Variants in PEAK1 observed in about 807,000 individuals in gnomAD.
The protein encoded by PEAK1 is inactive tyrosine-protein kinase PEAK1.
PEAK1 carries 54 observed loss-of-function variants against 124.7 expected under a neutral mutation model. The observed-to-expected ratio is 0.43, with a 90% CI of 0.35 to 0.54. The LOEUF is 0.54. Among genes scored for constraint, PEAK1 ranks in the 20% least tolerant of loss-of-function variants. The pLI, the probability that PEAK1 is intolerant of heterozygous loss-of-function variation, is 0.01. For synonymous variants in PEAK1, 719 were observed against 760.0 expected (o/e 0.95, Z 0.89); for missense variants, 2,046 against 2,134.5 (o/e 0.96, Z 0.82).
intron 9 of PEAK1, among the ~76,000 whole-genome samples, chr15:77,123,283 C>T (rs2052080912): frequency 6.6e-6 from 1 of 152,146 alleles, no homozygotes; most frequent in African/African-American, 2.4e-5. Context: ...CCTCTGTGGT[C>T]TCGCATGGTA....
At chr15:77,269,812 G>T in intron 5 of PEAK1, among the ~76,000 whole-genome samples, 1 of 152,148 alleles carries the variant, frequency 6.6e-6, no homozygotes, top group East Asian at 1.9e-4. Context: ...AATAAAATTG[G>T]AAATCAACTC....
At chr15:77,357,084 T>A (rs1391243390) in intron 2 of PEAK1, among the ~76,000 whole-genome samples, 1 of 152,086 alleles carries the variant, frequency 6.6e-6, no homozygotes, top group East Asian at 1.9e-4. Flanking sequence ...CTTGACAACG[T>A]AAGAGGACCC....
intron 6 of PEAK1, among the ~76,000 whole-genome samples, chr15:77,186,059 G>A (rs2057530975): frequency 1.3e-5 from 2 of 152,020 alleles, no homozygotes; most frequent in African/African-American, 4.8e-5. Flanking sequence ...GCTCACTGTG[G>A]AAACTCAGAA....
rs749000554 is a variant in PEAK1, at chr15:77,298,197, A to ATTTTTTTTTTTTTTTTTTTT, written c.-602-11713_-602-11694dup. Among the ~76,000 whole-genome samples the ATTTTTTTTTTTTTTTTTTTT allele has an allele frequency of 4.0e-4, 15 of 37,822 alleles. 4 individuals are homozygous for ATTTTTTTTTTTTTTTTTTTT. The highest frequency in any genetic ancestry group is 8.1e-4 in the African/African-American group (6 of 7,414). 24.8% of individuals were successfully genotyped at this position (37,822 alleles called of 152,430 possible). A position where few individuals can be genotyped will look rare whatever the true frequency, so the allele number is the denominator to read the frequency against. On this transcript the variant is annotated intron_variant, in intron 2 of 9. Coordinates refer to ENST00000682557, the MANE Select transcript of PEAK1 (RefSeq NM_001385026.1). ...TAGCTTCTTTTGTTTGGTATCCTTA[A>ATTTTTTTTTTTTTTTTTTTT]TTTTTTTTTTTTTTTTTTTTTTTTT... is the stretch of plus-strand genomic sequence containing the variant.
intron 6 of PEAK1, among the ~76,000 whole-genome samples, chr15:77,197,390 A>C (rs1444182564): frequency 6.6e-6 from 1 of 152,214 alleles, no homozygotes; most frequent in Non-Finnish European, 1.5e-5. Flanking sequence ...TTATCCAAAC[A>C]GAATTTAATT....
chr15:77,158,769 A>G (rs1337484850), intron 7 of PEAK1, 73 bp from the exon 8 acceptor site: 5 of 1,389,738 alleles, frequency 3.6e-6, no homozygotes, highest in Non-Finnish European at 5.0e-6. Flanking sequence ...TGGAAGGCAT[A>G]TACTTCCCAT....
chr15:77,134,485 G>A (rs1285114389), intron 8 of PEAK1, among the ~76,000 whole-genome samples: 2 of 152,092 alleles, frequency 1.3e-5, no homozygotes, highest in South Asian at 2.1e-4. Context: ...TTATTTTGGT[G>A]GGCATATACA....
chr15:77,404,772 C>G (rs2071670521), intron 1 of PEAK1: 1 of 966,628 alleles, frequency 1.0e-6, no homozygotes, highest in East Asian at 1.1e-4. Flanking sequence ...AAAAAAAGAG[C>G]AGGTTATCAG....
intron 2 of PEAK1, among the ~76,000 whole-genome samples, chr15:77,313,763 G>A (rs1292985330): frequency 8.4e-6 from 1 of 118,732 alleles, no homozygotes; most frequent in Non-Finnish European, 1.8e-5. Flanking sequence ...TTTATTTTTA[G>A]TAGAGATGGG....
At chr15:77,327,273 G>A (rs2065635505) in intron 2 of PEAK1, among the ~76,000 whole-genome samples, 1 of 152,094 alleles carries the variant, frequency 6.6e-6, no homozygotes, top group Admixed American at 6.6e-5. Context: ...ATGTTAGGTT[G>A]AGGTTGTCTC....
chr15:77,195,563 C>T (rs533335943), intron 6 of PEAK1, among the ~76,000 whole-genome samples: 1 of 152,168 alleles, frequency 6.6e-6, no homozygotes, highest in South Asian at 2.1e-4. Flanking sequence ...TTTCATTTTC[C>T]CCTCTCTTGA....
intron 2 of PEAK1, among the ~76,000 whole-genome samples, chr15:77,302,688 A>G (rs543854565): frequency 6.6e-6 from 1 of 152,262 alleles, no homozygotes; most frequent in South Asian, 2.1e-4. Context: ...CACTCCCTTC[A>G]GTGAGATTAT....
intron 1 of PEAK1, among the ~76,000 whole-genome samples, chr15:77,369,250 G>A (rs1455601322): frequency 6.6e-6 from 1 of 152,166 alleles, no homozygotes; most frequent in African/African-American, 2.4e-5. Context: ...ACACCAGGAA[G>A]TTTTCATAGC....
chr15:77,324,692 A>C (rs1256617872), intron 2 of PEAK1, among the ~76,000 whole-genome samples: 3 of 152,186 alleles, frequency 2.0e-5, no homozygotes, highest in African/African-American at 7.2e-5. Context: ...AGGAGGCATC[A>C]CACATGGCAA....
chr15:77,120,629 C>G (rs2051826513), intron 9 of PEAK1, among the ~76,000 whole-genome samples: 1 of 152,232 alleles, frequency 6.6e-6, no homozygotes, highest in Non-Finnish European at 1.5e-5. Flanking sequence ...CAAAAGCTTT[C>G]CAACTGGTCT....
At chr15:77,212,257 T>C (rs1056843530) in intron 6 of PEAK1, among the ~76,000 whole-genome samples, 15 of 152,214 alleles carry the variant, frequency 9.9e-5, no homozygotes, top group Non-Finnish European at 2.1e-4. Context: ...CCAGGTTTTT[T>C]AGTGGCCAAG....
chr15:77,326,688 G>C (rs2065596374), intron 2 of PEAK1, among the ~76,000 whole-genome samples: 1 of 152,046 alleles, frequency 6.6e-6, no homozygotes, highest in South Asian at 2.1e-4. Flanking sequence ...AACTCCCTAA[G>C]ATGTTAAGAT....
intron 7 of PEAK1, among the ~76,000 whole-genome samples, chr15:77,161,960 T>A (rs1285627439): frequency 2.3e-5 from 2 of 88,414 alleles, no homozygotes; most frequent in African/African-American, 4.1e-5. Flanking sequence ...AGTGAGACTC[T>A]GTCTCAAAAA....
rs185314979 is a variant in PEAK1 at position 77,349,128 on chromosome 15, C to T, written c.-603+16035G>A. 446 of 559,354 alleles carry T rather than the reference C, an allele frequency of 8.0e-4. 1 individual carries two copies. The African/African-American group carries it at 8.6e-3, about 11-fold the overall frequency. 34.6% of individuals were successfully genotyped at this position (559,354 alleles called of 1,614,324 possible). On this transcript the variant is annotated intron_variant, in intron 2 of 9. Transcript: ENST00000682557. ...GATCTCGGCTCACTGCAACCTCCACCTCCTGGGTTCACGCCATTCTCCTGC... is the reference window on the plus strand; with the variant it reads ...GATCTCGGCTCACTGCAACCTCCACTTCCTGGGTTCACGCCATTCTCCTGC...
Sources: gnomAD v4.1 joint callset for allele counts (sites outside exome capture counted in the v4.1 genomes callset) on GRCh38, gnomAD v4.1.1 for gene constraint, MANE v1.5 for transcripts, NCBI Gene and HGNC (gene_info 2026-07-23, HGNC 2026-07-21) for gene names.